ATM: variants seen among roughly 807,000 people sequenced by gnomAD.
ATM encodes serine-protein kinase ATM.
Under a neutral mutation model 387.0 loss-of-function variants are expected in ATM, and 308 were observed. The ratio of observed to expected loss-of-function variants is 0.80; its 90% CI spans 0.73 to 0.87. The LOEUF (loss-of-function observed/expected upper bound fraction) is 0.87, where lower values mean the gene tolerates loss of function less well. ATM is among the 40% of genes least tolerant of loss of function. The probability of loss-of-function intolerance (pLI) is 0.00; values close to 1 mark genes in which losing one functional copy is unlikely to be tolerated. For missense variants in ATM, 3,312 were observed against 3,560.9 expected, an observed-to-expected ratio of 0.93 and a Z score of 1.78; for synonymous variants, 1,156 against 1,187.3, an observed-to-expected ratio of 0.97 and a Z score of 0.54.
At chr11:108,296,257 T>C (rs916016995) in intron 32 of ATM, among the ~76,000 whole-genome samples, 5 of 142,116 alleles carry the variant, frequency 3.5e-5, no homozygotes, top group African/African-American at 1.3e-4. Context: ...TTCATATTTC[T>C]TTTTTTTTTT....
chr11:108,302,885 C>T lies in ATM; in HGVS notation c.5352C>T (p.Asn1784=), dbSNP rs140641762. 4.7e-5 allele frequency: 76 copies of T among 1,612,908 alleles called. 1 individual carries two copies. Among genetic ancestry groups the T allele is most frequent in the Admixed American group, 2.5e-4 (15 of 59,952 alleles). The change falls in exon 36 of 63, where the codon AAC becomes AAT. Residue 1784 remains asparagine, a synonymous_variant. Coordinates refer to ENST00000675843, the MANE Select transcript of ATM (RefSeq NM_000051.4). ...FLEVPRFDKE[N]PFEGLDDINL... is the part of the protein sequence containing the mutation. ...AAGTACCCAGATTTGACAAAGAAAA[C>T]CCTTTTGAAGGCCTGGATGATATAA...
At chr11:108,363,275 TTC>T (rs1244323904) in intron 61 of ATM, among the ~76,000 whole-genome samples, 1 of 152,198 alleles carries the variant, frequency 6.6e-6, no homozygotes, top group African/African-American at 2.4e-5. Flanking sequence ...CAGTCACTAT[TTC>T]TGAACTGATC....
Position 108,317,652 on chromosome 11 carries a change from TAC to T in ATM, c.6347+152_6347+153del, listed in dbSNP as rs1181493043. ...ATATATATATATATATATATATATA[TAC>T]ACACACACACACACACACACTATAT... On this transcript the variant is annotated intron_variant, in intron 43 of 62. Transcript: ENST00000675843. 485 of 118,270 alleles carry T rather than the reference TAC, an allele frequency of 4.1e-3. 5 individuals carry two copies. The highest frequency in any genetic ancestry group is 0.022 in the African/African-American group (429 of 19,762). The allele number at this position is 118,270 out of a possible 1,614,324, so 7.3% of individuals were successfully genotyped here.
At position 108,253,986 on chromosome 11, in the gene ATM, G is replaced by C. The variant is rs762394404; in HGVS notation, c.2071G>C (p.Asp691His). 2 of 1,613,958 alleles carry C rather than the reference G, an allele frequency of 1.2e-6. No individual in the cohort carries two copies. The highest frequency in any genetic ancestry group is 1.7e-6 in the Non-Finnish European group (2 of 1,179,968). Reference sequence around the variant, plus strand: ...CCACCAGAATCTCAAGGAATCACTGGATCGCTGTCTTCTGGGATTATCAGA... The same window carrying C: ...CCACCAGAATCTCAAGGAATCACTGCATCGCTGTCTTCTGGGATTATCAGA... The part of the protein sequence containing the change: ...SVHQNLKESL[D>H]RCLLGLSEQL... The change falls in exon 13 of 63, where the codon GAT (aspartate) becomes CAT (histidine). Residue 691 changes from aspartate to histidine, a missense_variant. By Grantham distance (81) the Asp-to-His change is moderately conservative. This residue lies in a region of ATM where 1,791 missense variants were observed against 1,804.5 expected (regional missense o/e 0.99). Transcript: ENST00000675843.
intron 37 of ATM, among the ~76,000 whole-genome samples, chr11:108,306,869 T>C (rs1268166150): frequency 6.6e-6 from 1 of 152,202 alleles, no homozygotes; most frequent in Non-Finnish European, 1.5e-5. Flanking sequence ...ACTCAGTTGC[T>C]TACTCTAGAA....
At chr11:108,307,195 G>A (rs1291529179) in intron 37 of ATM, among the ~76,000 whole-genome samples, 1 of 151,184 alleles carries the variant, frequency 6.6e-6, no homozygotes, top group African/African-American at 2.4e-5. Flanking sequence ...TGTCACCCAG[G>A]CTGGAGTGCA....
At chr11:108,232,606 C>G (rs2079071225) in intron 4 of ATM, among the ~76,000 whole-genome samples, 2 of 117,724 alleles carry the variant, frequency 1.7e-5, no homozygotes, top group South Asian at 5.7e-4. Context: ...GTGGTGCAGT[C>G]TTGGCTCACT....
Position 108,256,124 on chromosome 11 carries a change from T to C in ATM, c.2125-91T>C, listed in dbSNP as rs55797714. 2.7e-5 allele frequency: 34 copies of C among 1,237,310 alleles called. No individual in the cohort carries two copies. The East Asian group carries it at 1.0e-3, about 37-fold the overall frequency. The allele number at this position is 1,237,310 out of a possible 1,614,324, so 76.6% of individuals were successfully genotyped here. A position where few individuals can be genotyped will look rare whatever the true frequency, so the allele number is the denominator to read the frequency against. On this transcript the variant is annotated intron_variant, in intron 13 of 62. Coordinates refer to ENST00000675843, the MANE Select transcript of ATM (RefSeq NM_000051.4). ...CTCAGTTAACTGAACTTTTGTTTTT[T>C]AATATGTATGTAGAATTTGTTCTTA... is the stretch of plus-strand genomic sequence containing the variant.
intron 43 of ATM, 81 bp from the exon 44 acceptor site, chr11:108,319,873 G>T: frequency 1.0e-6 from 1 of 971,562 alleles, no homozygotes; most frequent in Non-Finnish European, 1.6e-6. Context: ...TAAAAATTTT[G>T]TCCTTTGGTG....
chr11:108,282,064 C>A (rs555119472), intron 24 of ATM, among the ~76,000 whole-genome samples: 1 of 151,990 alleles, frequency 6.6e-6, no homozygotes. Flanking sequence ...CTCCTGGGCT[C>A]AAGCGATCCT....
intron 4 of ATM, among the ~76,000 whole-genome samples, chr11:108,234,892 G>C (rs1428435489): frequency 6.6e-6 from 1 of 151,660 alleles, no homozygotes; most frequent in Non-Finnish European, 1.5e-5. Context: ...TGCTATTATA[G>C]GACTTAGAAC....
rs777481236 is a variant in ATM at position 108,301,728 on chromosome 11, A to G, written c.5258A>G (p.Tyr1753Cys). The G allele has an allele frequency of 6.2e-7, 1 of 1,613,804 alleles. No homozygotes were observed. Among genetic ancestry groups the G allele is most frequent in the Non-Finnish European group, 8.5e-7 (1 of 1,179,794 alleles). ...TKTGHSFWEI[Y>C]KMTTDPMLAY... ...ACTGGACATAGTTTCTGGGAGATTT[A>G]TAAGATGACAACAGATCCAATGCTG... Residue 1753 changes from tyrosine to cysteine, a missense_variant, in exon 35 of 63, where the codon TAT becomes TGT. Physicochemically the swap from Tyr to Cys is radical, Grantham distance 194 (BLOSUM62 -2). Transcript: ENST00000675843.
At chr11:108,262,689 A>G (rs1333902415) in intron 16 of ATM, among the ~76,000 whole-genome samples, 3 of 151,556 alleles carry the variant, frequency 2.0e-5, no homozygotes, top group African/African-American at 4.8e-5. Context: ...ACAGACTGGC[A>G]AATTGGATAA....
intron 59 of ATM, among the ~76,000 whole-genome samples, chr11:108,353,091 ATCTTT>A (rs1203603632): frequency 6.6e-6 from 1 of 152,174 alleles, no homozygotes; most frequent in African/African-American, 2.4e-5. Flanking sequence ...ATAAGGGATG[ATCTTT>A]TCTGTATGAT....
At chr11:108,229,117 T>G (rs961344233) in intron 3 of ATM, 61 bp from the exon 4 acceptor site, 23 of 1,537,788 alleles carry the variant, frequency 1.5e-5, no homozygotes, top group Non-Finnish European at 1.9e-5. Context: ...GAACAGCTTT[T>G]GAAATTATTA....
Position 108,272,489 on chromosome 11 carries a change from A to G in ATM, c.3078-43A>G, listed in dbSNP as rs3218689. The G allele has an allele frequency of 4.9e-5, 73 of 1,495,002 alleles. No individual in the cohort carries two copies. In the African/African-American group the frequency reaches 7.6e-4, roughly 16 times the overall value. The allele number at this position is 1,495,002 out of a possible 1,614,324, so 92.6% of individuals were successfully genotyped here. A position where few individuals can be genotyped will look rare whatever the true frequency, so the allele number is the denominator to read the frequency against. On this transcript the variant is annotated intron_variant, in intron 20 of 62. Coordinates refer to ENST00000675843, the MANE Select transcript of ATM (RefSeq NM_000051.4). ...TTCAGTGAGTTTTCTGAGTGCTTTT[A>G]TCAGAATGATTATTTAACTTTGGAA...
chr11:108,235,893 G>T, intron 5 of ATM, 59 bp downstream of exon 5: 1 of 1,579,728 alleles, frequency 6.3e-7, no homozygotes, highest in East Asian at 2.2e-5. Context: ...CTTCACCAAA[G>T]AAAGCACTCT....
intron 60 of ATM, among the ~76,000 whole-genome samples, chr11:108,354,526 A>G (rs897855884): frequency 3.3e-5 from 5 of 152,266 alleles, no homozygotes; most frequent in African/African-American, 1.2e-4. Flanking sequence ...TAATTGCCAC[A>G]ATAATCAAAG....
intron 4 of ATM, among the ~76,000 whole-genome samples, chr11:108,232,923 C>T (rs2079090636): frequency 2.0e-5 from 3 of 151,132 alleles, no homozygotes; most frequent in South Asian, 4.2e-4. Context: ...AGTGCAATGG[C>T]GCCATCTTGG....
Sources: gnomAD v4.1 joint callset for allele counts (sites outside exome capture counted in the v4.1 genomes callset) on GRCh38, gnomAD v4.1.1 for gene constraint, gnomAD v4.1.1 regional missense constraint, MANE v1.5 for transcripts, NCBI Gene and HGNC (gene_info 2026-07-23, HGNC 2026-07-21) for gene names.